SPEN: variants seen among roughly 807,000 people sequenced by gnomAD.
SPEN encodes the protein spen family transcriptional repressor.
Under a neutral mutation model 269.9 loss-of-function variants are expected in SPEN, and 18 were observed. The observed-to-expected ratio is 0.07, with a 90% CI of 0.05 to 0.10. The LOEUF (loss-of-function observed/expected upper bound fraction) is 0.10, where lower values mean the gene tolerates loss of function less well. SPEN is among the 10% of genes least tolerant of loss of function. The probability of loss-of-function intolerance (pLI) is 1.00; values close to 1 mark genes in which losing one functional copy is unlikely to be tolerated. For synonymous variants in SPEN, 1,726 were observed against 1,765.7 expected, an observed-to-expected ratio of 0.98 and a Z score of 0.56; for missense variants, 3,822 against 4,631.2, an observed-to-expected ratio of 0.83 and a Z score of 5.07.
chr1:15,875,884 C>T (rs377309109), intron 2 of SPEN, among the ~76,000 whole-genome samples: 42 of 151,978 alleles, frequency 2.8e-4, no homozygotes, highest in African/African-American at 8.9e-4. Flanking sequence ...TCTCTTGTTC[C>T]GTTAACATGA....
At chr1:15,873,448 T>C (rs760377658) in intron 2 of SPEN, 15 of 1,069,348 alleles carry the variant, frequency 1.4e-5, no homozygotes, top group Non-Finnish European at 1.6e-5. Flanking sequence ...TGTTAAGTCC[T>C]TCCTTGGATA....
At chr1:15,860,411 G>GTA (rs2070433907) in intron 1 of SPEN, among the ~76,000 whole-genome samples, 2 of 143,616 alleles carry the variant, frequency 1.4e-5, no homozygotes, top group Non-Finnish European at 3.1e-5. Flanking sequence ...GTGTGTGTGT[G>GTA]TGTGTGTATG....
rs1237620138 is a variant in SPEN, at chr1:15,938,888, T to C, written c.10863+12T>C. On this transcript the variant is annotated intron_variant, in intron 14 of 14. Transcript: ENST00000375759. Reference sequence around the variant, plus strand: ...CTGGCTCCAATCAGGTCGGTTGTCCTGTGTCCTTCCTTCACATGTACACCC... The same window carrying C: ...CTGGCTCCAATCAGGTCGGTTGTCCCGTGTCCTTCCTTCACATGTACACCC... The C allele has an allele frequency of 6.2e-7, 1 of 1,611,462 alleles. No homozygotes were observed. Among genetic ancestry groups the C allele is most frequent in the African/African-American group, 1.3e-5 (1 of 74,906 alleles).
chr1:15,902,961 T>G (rs182583865), intron 3 of SPEN, among the ~76,000 whole-genome samples: 23 of 152,138 alleles, frequency 1.5e-4, no homozygotes, highest in African/African-American at 5.3e-4. Context: ...TCTTCCAGCT[T>G]TAAAAAAAAA....
At chr1:15,899,375 T>C (rs2070876074) in intron 3 of SPEN, among the ~76,000 whole-genome samples, 3 of 152,058 alleles carry the variant, frequency 2.0e-5, no homozygotes, top group African/African-American at 7.2e-5. Flanking sequence ...AGACGGGGTT[T>C]CGCCATGTTG....
chr1:15,854,657 T>C (rs2070368215), intron 1 of SPEN, among the ~76,000 whole-genome samples: 2 of 152,068 alleles, frequency 1.3e-5, no homozygotes, highest in Admixed American at 1.3e-4. Flanking sequence ...GCTAATTTTG[T>C]GTTTTTAGTA....
chr1:15,870,743 A>C (rs1398236378), intron 1 of SPEN, among the ~76,000 whole-genome samples: 2 of 10,014 alleles, frequency 2.0e-4, no homozygotes, highest in South Asian at 7.4e-3. Context: ...GAATGTAGTC[A>C]CTTCTAGAAA....
chr1:15,872,222 C>CAAA (rs58028111), intron 1 of SPEN, among the ~76,000 whole-genome samples: 27 of 62,122 alleles, frequency 4.3e-4, no homozygotes, highest in Admixed American at 5.9e-4. Context: ...GACTCTGTCT[C>CAAA]AAAAAAAAAA....
At position 15,919,497 on chromosome 1, in the gene SPEN, C is replaced by T. The variant is rs2071096520; in HGVS notation, c.1615C>T (p.Arg539Ter). The T allele has an allele frequency of 6.2e-7, 1 of 1,600,970 alleles. No individual in the cohort carries two copies. The highest frequency in any genetic ancestry group is 8.5e-7 in the Non-Finnish European group (1 of 1,176,578). ...SDQYLTRHFC[R>*]YGPVVKVVFD... Reference sequence around the variant, plus strand: ...TCAGTATTTAACACGACATTTCTGCCGATATGGGCCTGTGGTAAAGGTAGG... The same window carrying T: ...TCAGTATTTAACACGACATTTCTGCTGATATGGGCCTGTGGTAAAGGTAGG... Residue 539 changes from arginine to a stop codon, truncating the protein, a stop_gained, in exon 8 of 15, where the codon CGA (arginine) becomes TGA (stop). Transcript: ENST00000375759. LOFTEE classifies it high-confidence loss of function.
intron 1 of SPEN, among the ~76,000 whole-genome samples, chr1:15,857,066 ATTT>A (rs993446139): frequency 7.0e-6 from 1 of 142,856 alleles, no homozygotes; most frequent in Non-Finnish European, 1.5e-5. Context: ...TCCTTCCTGT[ATTT>A]TTTTTTTTCT....
intron 1 of SPEN, among the ~76,000 whole-genome samples, chr1:15,871,114 G>A (rs1322033485): frequency 6.6e-5 from 10 of 151,784 alleles, no homozygotes; most frequent in African/African-American, 1.5e-4. Context: ...GATTATAGGC[G>A]TGTGCCACCA....
At chr1:15,899,650 G>T (rs1167497705) in intron 3 of SPEN, among the ~76,000 whole-genome samples, 1 of 145,598 alleles carries the variant, frequency 6.9e-6, no homozygotes, top group Admixed American at 7.2e-5. Flanking sequence ...TCAACTACAA[G>T]TATGAGCCCA....
chr1:15,869,928 G>A (rs1056666700), intron 1 of SPEN, among the ~76,000 whole-genome samples: 4 of 151,676 alleles, frequency 2.6e-5, no homozygotes, highest in African/African-American at 7.3e-5. Flanking sequence ...GTGCAGTGGC[G>A]TGGTCTTGTC....
intron 4 of SPEN, among the ~76,000 whole-genome samples, chr1:15,909,992 C>T (rs555440560): frequency 6.6e-5 from 10 of 151,396 alleles, no homozygotes; most frequent in Admixed American, 2.0e-4. Context: ...GGCGTGGTGG[C>T]GGGCGTCTGT....
In SPEN at chr1:15,939,732, A is replaced by C. The variant is rs1299461902; in HGVS notation, c.*305A>C. 1 of 286,760 alleles carries C rather than the reference A, an allele frequency of 3.5e-6. No homozygotes were observed. Among genetic ancestry groups the C allele is most frequent in the Non-Finnish European group, 6.5e-6 (1 of 154,000 alleles). 17.8% of individuals were successfully genotyped at this position (286,760 alleles called of 1,614,324 possible). On this transcript the variant is annotated 3_prime_UTR_variant, in exon 15 of 15. Coordinates refer to ENST00000375759, the MANE Select transcript of SPEN (RefSeq NM_015001.3). The surrounding 1 kb of genome is among the most constrained non-coding windows in gnomAD (Gnocchi z 4.1). Reference sequence around the variant, plus strand: ...AAAAGGAACAGGGCAGTGGAATGAAAATTTTTTGTTTGTTTGTTTTTAAGA... The same window carrying C: ...AAAAGGAACAGGGCAGTGGAATGAACATTTTTTGTTTGTTTGTTTTTAAGA...
intron 3 of SPEN, among the ~76,000 whole-genome samples, chr1:15,898,718 G>A (rs960090399): frequency 2.0e-5 from 3 of 151,530 alleles, no homozygotes; most frequent in African/African-American, 7.3e-5. Flanking sequence ...TGCAACTACC[G>A]CCTGGCTAAT....
chr1:15,910,293 A>T (rs902768646), intron 4 of SPEN, among the ~76,000 whole-genome samples: 1 of 152,058 alleles, frequency 6.6e-6, no homozygotes, highest in African/African-American at 2.4e-5. Flanking sequence ...GCCTTTCTAT[A>T]CACCTTTTAT....
intron 3 of SPEN, among the ~76,000 whole-genome samples, chr1:15,884,824 C>G (rs752256154): frequency 2.0e-5 from 3 of 151,912 alleles, no homozygotes; most frequent in Non-Finnish European, 4.4e-5. Context: ...ACCTCTGCCT[C>G]CCAGGTTCAA....
chr1:15,887,943 G>A (rs1021438118), intron 3 of SPEN, among the ~76,000 whole-genome samples: 3 of 151,372 alleles, frequency 2.0e-5, no homozygotes, highest in Non-Finnish European at 3.0e-5. Context: ...CAGGAGAATC[G>A]CTTGAGCCCT....
Sources: allele counts gnomAD v4.1 joint callset (sites outside exome capture counted in the v4.1 genomes callset), GRCh38; gene constraint gnomAD v4.1.1; non-coding constraint Gnocchi (gnomAD v3.1); transcripts MANE v1.5; gene names NCBI Gene and HGNC (gene_info 2026-07-23, HGNC 2026-07-21).